DNAH14: variants seen among roughly 807,000 people sequenced by gnomAD.
DNAH14 encodes dynein axonemal heavy chain 14.
DNAH14 carries 478 observed loss-of-function variants against 520.9 expected under a neutral mutation model. That is an observed-to-expected ratio of 0.92 (90% CI 0.85 to 0.99). The LOEUF is 0.99. Ranked by LOEUF, DNAH14 falls within the 50% of genes least tolerant of loss-of-function variation. The pLI is 0.00. For synonymous variants in DNAH14, 1,581 were observed against 1,757.2 expected (o/e 0.90, Z 2.51); for missense variants, 4,831 against 5,234.5 (o/e 0.92, Z 2.38).
At chr1:225,169,706 T>C (rs2082400972) in intron 36 of DNAH14, among the ~76,000 whole-genome samples, 1 of 152,166 alleles carries the variant, frequency 6.6e-6, no homozygotes, top group Non-Finnish European at 1.5e-5. Flanking sequence ...CTGCAGGATA[T>C]TTTCCAGGAG....
At chr1:225,226,588 C>A (rs1246240969) in intron 41 of DNAH14, among the ~76,000 whole-genome samples, 1 of 152,138 alleles carries the variant, frequency 6.6e-6, no homozygotes, top group African/African-American at 2.4e-5. Context: ...TAGACTGGAG[C>A]CACCATGGCC....
chr1:225,389,752 A>G lies in DNAH14; in HGVS notation c.13209A>G (p.Thr4403=), dbSNP rs1390788282. 6.4e-7 allele frequency: 1 copy of G among 1,552,166 alleles called. No homozygotes were observed. Among genetic ancestry groups the G allele is most frequent in the East Asian group, 2.4e-5 (1 of 40,948 alleles). Residue 4403 remains threonine (T), a synonymous_variant, in exon 83 of 86, where the codon ACA becomes ACG. Transcript: ENST00000682510. ...AIQRRYMRFV[T]VWKQSIPSTS... ...CCACTAGGTATATGAGATTTGTCAC[A>G]GTTTGGAAGCAGTCTATTCCATCAA...
chr1:225,049,761 TCTATCTATCTAC>T (rs1478039015), intron 15 of DNAH14, among the ~76,000 whole-genome samples: 40 of 122,798 alleles, frequency 3.3e-4, no homozygotes, highest in Middle Eastern at 8.5e-3. Context: ...TATCTATCTG[TCTATCTATCTAC>T]CTATCTATCT....
intron 42 of DNAH14, among the ~76,000 whole-genome samples, chr1:225,233,793 AG>A (rs1436881918): frequency 6.6e-6 from 1 of 152,200 alleles, no homozygotes; most frequent in Non-Finnish European, 1.5e-5. Flanking sequence ...TAGTTTGATT[AG>A]ATCCCATTTG....
intron 26 of DNAH14, among the ~76,000 whole-genome samples, chr1:225,119,702 G>A (rs1015764542): frequency 6.6e-6 from 1 of 151,984 alleles, no homozygotes; most frequent in Non-Finnish European, 1.5e-5. Context: ...TCTTTCTAAC[G>A]TTCTCCTTTT....
chr1:225,082,055 G>A (rs185038050), intron 19 of DNAH14, among the ~76,000 whole-genome samples: 117 of 152,064 alleles, frequency 7.7e-4, no homozygotes, highest in African/African-American at 2.3e-3. Flanking sequence ...CGGATCATTC[G>A]AGGCCAGGAG....
At chr1:224,976,800 A>G (rs1483093069) in intron 8 of DNAH14, among the ~76,000 whole-genome samples, 3 of 151,966 alleles carry the variant, frequency 2.0e-5, no homozygotes, top group Non-Finnish European at 4.4e-5. Context: ...ACCATCTCAT[A>G]CCAGTTAGAA....
Position 225,100,828 on chromosome 1 carries a change from C to A in DNAH14, c.3811C>A (p.Leu1271Ile). Reference sequence around the variant, plus strand: ...GCAGATAACCACTTCTGCAGGAGTCCTTGAAATTCTGCAAAATTGTAATAT... The same window carrying A: ...GCAGATAACCACTTCTGCAGGAGTCATTGAAATTCTGCAAAATTGTAATAT... ...ALQITTSAGV[L>I]EILQNCNIHL... The change falls in exon 23 of 86, where the codon CTT becomes ATT. Residue 1271 changes from leucine (L) to isoleucine (I), a missense_variant. Physicochemically the swap from Leu to Ile is conservative, Grantham distance 5. Coordinates refer to ENST00000682510, the MANE Select transcript of DNAH14 (RefSeq NM_001367479.1). 6.5e-7 allele frequency: 1 copy of A among 1,531,356 alleles called. No homozygotes were observed. The highest frequency in any genetic ancestry group is 8.8e-7 in the Non-Finnish European group (1 of 1,141,484). 94.9% of individuals were successfully genotyped at this position (1,531,356 alleles called of 1,614,324 possible).
rs201597615 is a variant in DNAH14 at position 225,057,781 on chromosome 1, G to A, written c.2424+5986G>A. Among the ~76,000 whole-genome samples the A allele has an allele frequency of 2.0e-4, 30 of 152,292 alleles. No individual in the cohort carries two copies. The East Asian group carries it at 4.8e-3, about 24-fold the overall frequency. ...CAAAGGCCTTTTCTACATCTATTGA[G>A]ATAGTCATATGGTTTTTGTCGTTGG... On this transcript the variant is annotated intron_variant, in intron 17 of 85. Coordinates refer to ENST00000682510, the MANE Select transcript of DNAH14 (RefSeq NM_001367479.1).
chr1:224,968,934 C>A, intron 7 of DNAH14, 60 bp downstream of exon 7: 1 of 1,149,634 alleles, frequency 8.7e-7, no homozygotes, highest in Non-Finnish European at 1.2e-6. Flanking sequence ...GGAGCAGTTG[C>A]CTGAGTGACA....
Position 225,346,131 on chromosome 1 carries a change from A to G in DNAH14, c.10848A>G (p.Leu3616=). The G allele has an allele frequency of 6.4e-7, 1 of 1,551,714 alleles. No homozygotes were observed. The highest frequency in any genetic ancestry group is 1.4e-5 in the African/African-American group (1 of 73,182). ...CCCGAGGCGCCCTGCTCTACTTCCTAGTAGCTGATCTCACACAAATCAACT... is the reference window on the plus strand; with the variant it reads ...CCCGAGGCGCCCTGCTCTACTTCCTGGTAGCTGATCTCACACAAATCAACT... ...IATRGALLYF[L]VADLTQINYM... Residue 3616 remains leucine (L), a synonymous_variant, in exon 70 of 86, where the codon CTA becomes CTG. Coordinates refer to ENST00000682510, the MANE Select transcript of DNAH14 (RefSeq NM_001367479.1).
intron 26 of DNAH14, among the ~76,000 whole-genome samples, chr1:225,123,166 A>G (rs576669236): frequency 6.6e-6 from 1 of 152,190 alleles, no homozygotes; most frequent in Admixed American, 6.5e-5. Context: ...ACTGTTACTC[A>G]TCTGGTAGTT....
rs574207562 is a variant in DNAH14 at position 225,109,416 on chromosome 1, A to G, written c.3868-8268A>G. Among the ~76,000 whole-genome samples the G allele has an allele frequency of 3.9e-5, 6 of 152,068 alleles. No individual in the cohort carries two copies. In the South Asian group the frequency reaches 1.2e-3, roughly 32 times the overall value. On this transcript the variant is annotated intron_variant, in intron 23 of 85. Transcript: ENST00000682510. The stretch of plus-strand genomic sequence containing the variant: ...GCATCAATGTTTTATATTTTTTATT[A>G]TAGAGATCTTTCACTTCTTAGGTTG...
At chr1:225,278,243 C>A (rs1177036843) in intron 54 of DNAH14, among the ~76,000 whole-genome samples, 3 of 152,124 alleles carry the variant, frequency 2.0e-5, no homozygotes, top group East Asian at 3.9e-4. Context: ...CAAAACTATT[C>A]TTTTACTAAC....
chr1:225,391,137 G>A lies in DNAH14; in HGVS notation c.13331-1154G>A, dbSNP rs540594508. 4.6e-5 allele frequency among the ~76,000 whole-genome samples: 7 copies of A among 152,310 alleles called. No individual in the cohort carries two copies. The South Asian group carries it at 1.0e-3, about 23-fold the overall frequency. ...GGAGAATGATGCCGCTGCAAAGTTG[G>A]GCACGGCTGGCCCCCAGGGCTGTGT... On this transcript the variant is annotated intron_variant, in intron 83 of 85. Transcript: ENST00000682510.
chr1:224,951,269 A>G (rs2060153756), intron 1 of DNAH14, among the ~76,000 whole-genome samples: 1 of 152,112 alleles, frequency 6.6e-6, no homozygotes, highest in African/African-American at 2.4e-5. Flanking sequence ...CAAGTGATCC[A>G]TCCACCTTGG....
At chr1:225,323,225 G>A (rs372686214) in intron 62 of DNAH14, among the ~76,000 whole-genome samples, 2 of 152,128 alleles carry the variant, frequency 1.3e-5, no homozygotes, top group Non-Finnish European at 2.9e-5. Flanking sequence ...CCAATATGCC[G>A]CCTGGGGGAC....
chr1:224,965,860 G>A (rs1437626483), intron 5 of DNAH14, among the ~76,000 whole-genome samples: 3 of 152,104 alleles, frequency 2.0e-5, no homozygotes, highest in Non-Finnish European at 4.4e-5. Flanking sequence ...AACCATAGCT[G>A]TACATGGGTT....
intron 1 of DNAH14, among the ~76,000 whole-genome samples, chr1:224,932,166 G>A (rs182249192): frequency 6.6e-6 from 1 of 152,184 alleles, no homozygotes; most frequent in East Asian, 1.9e-4. Context: ...ACTGGGGTAG[G>A]ATGGTATCTC....
Sources: gnomAD v4.1 joint callset for allele counts (sites outside exome capture counted in the v4.1 genomes callset) on GRCh38, gnomAD v4.1.1 for gene constraint, MANE v1.5 for transcripts, NCBI Gene and HGNC (gene_info 2026-07-23, HGNC 2026-07-21) for gene names.